SEZ6L: variants seen among roughly 807,000 people sequenced by gnomAD.
SEZ6L encodes seizure 6-like protein.
A neutral mutation model predicts 106.2 loss-of-function variants in SEZ6L; 37 were observed. The ratio of observed to expected loss-of-function variants is 0.35; its 90% CI spans 0.27 to 0.46. The LOEUF (loss-of-function observed/expected upper bound fraction) is 0.46. Among genes scored for constraint, SEZ6L ranks in the 20% least tolerant of loss-of-function variants. The pLI, the probability that SEZ6L is intolerant of heterozygous loss-of-function variation, is 1.00. For missense variants in SEZ6L, 1,172 were observed against 1,332.8 expected (o/e 0.88, Z 1.88); for synonymous variants, 541 against 570.4 (o/e 0.95, Z 0.73).
intron 9 of SEZ6L, among the ~76,000 whole-genome samples, chr22:26,314,753 C>A (rs980748184): frequency 1.3e-5 from 2 of 152,198 alleles, no homozygotes; most frequent in Non-Finnish European, 2.9e-5. Context: ...GGGCCAGATG[C>A]AAAAGTGACT....
intron 1 of SEZ6L, among the ~76,000 whole-genome samples, chr22:26,203,230 A>G (rs1941086707): frequency 1.3e-5 from 2 of 152,232 alleles, no homozygotes; most frequent in Admixed American, 1.3e-4. Flanking sequence ...TGTCAGTTGC[A>G]AGTTGCTCAC....
intron 13 of SEZ6L, among the ~76,000 whole-genome samples, chr22:26,368,793 C>T (rs2083905099): frequency 6.6e-6 from 1 of 151,652 alleles, no homozygotes; most frequent in Non-Finnish European, 1.5e-5. Flanking sequence ...GTCTTATGAC[C>T]ACTGTCTAAG....
chr22:26,203,004 A>G (rs1046613352), intron 1 of SEZ6L, among the ~76,000 whole-genome samples: 3 of 152,214 alleles, frequency 2.0e-5, no homozygotes, highest in African/African-American at 7.2e-5. Flanking sequence ...ACCACTGAGG[A>G]CAGATTATCA....
rs71311556 is a variant in SEZ6L, at chr22:26,278,970, AAGGG to A, written c.95-13420_95-13417del. Among the ~76,000 whole-genome samples the A allele has an allele frequency of 2.0e-3, 213 of 105,574 alleles. 2 individuals carry two copies. Among genetic ancestry groups the A allele is most frequent in the Non-Finnish European group, 3.4e-3 (161 of 47,464 alleles). The allele number at this position is 105,574 out of a possible 152,430, so 69.3% of individuals were successfully genotyped here. The stretch of plus-strand genomic sequence containing the variant: ...GAAAAAGAAAGAAAGAGGAGAGAGG[AAGGG>A]AGGGAGGGAGGGAGGAAGGAAGGAA... On this transcript the variant is annotated intron_variant, in intron 1 of 16. Transcript: ENST00000248933.
At position 26,235,722 on chromosome 22, in the gene SEZ6L, C is replaced by T. The variant is rs1215238414; in HGVS notation, c.95-56684C>T. On this transcript the variant is annotated intron_variant, in intron 1 of 16. Coordinates refer to ENST00000248933, the MANE Select transcript of SEZ6L (RefSeq NM_021115.5). The stretch of plus-strand genomic sequence containing the variant: ...GGCTTAGGGGCTTGAATTAACTTGC[C>T]CTTTTGGGGAAGTATAGCAGCTCAT... 3.9e-5 allele frequency among the ~76,000 whole-genome samples: 6 copies of T among 152,242 alleles called. No individual in the cohort carries two copies. In the South Asian group the frequency reaches 8.3e-4, roughly 21 times the overall value.
intron 1 of SEZ6L, among the ~76,000 whole-genome samples, chr22:26,254,403 G>A (rs1209381): frequency 1.3e-5 from 2 of 151,824 alleles, no homozygotes; most frequent in African/African-American, 2.4e-5. Context: ...CAGAAACGGA[G>A]AGCAGGAAGG....
chr22:26,305,915 T>C (rs1350830857), intron 5 of SEZ6L, 64 bp from the exon 6 acceptor site: 2 of 1,434,148 alleles, frequency 1.4e-6, no homozygotes, highest in Non-Finnish European at 1.9e-6. Context: ...TTTCTCTCTG[T>C]CTCTCTCCTC....
At chr22:26,188,259 C>G (rs955419313) in intron 1 of SEZ6L, among the ~76,000 whole-genome samples, 9 of 152,212 alleles carry the variant, frequency 5.9e-5, no homozygotes, top group African/African-American at 1.7e-4. Context: ...CAAACCATCC[C>G]TGAAATTCAG....
At chr22:26,266,786 C>G (rs1175761771) in intron 1 of SEZ6L, among the ~76,000 whole-genome samples, 1 of 151,640 alleles carries the variant, frequency 6.6e-6, no homozygotes, top group African/African-American at 2.4e-5. Flanking sequence ...GTTCCCAATA[C>G]CTATAAAGTG....
At chr22:26,296,754 TGGGGCCCAGGGGTCCCGTTGACCA>T in intron 3 of SEZ6L, 110 bp from the exon 4 acceptor site, 1 of 664,316 alleles carries the variant, frequency 1.5e-6, no homozygotes, top group South Asian at 4.0e-5. Flanking sequence ...GGGCTCGGCA[TGGGGCCCAGGGGTCCCGTTGACCA>T]GGGGCTAGCA....
Position 26,314,052 on chromosome 22 carries a change from C to G in SEZ6L, c.2015+150C>G, listed in dbSNP as rs1308945109. On this transcript the variant is annotated intron_variant, in intron 9 of 16. Coordinates refer to ENST00000248933, the MANE Select transcript of SEZ6L (RefSeq NM_021115.5). ...GAGAACAGGCATTCCCATAGTGAGACCAAGAACAGCATCACAAATACACAC... is the reference window on the plus strand; with the variant it reads ...GAGAACAGGCATTCCCATAGTGAGAGCAAGAACAGCATCACAAATACACAC... The G allele has an allele frequency of 9.6e-6, 6 of 623,570 alleles. No homozygotes were observed. In the East Asian group the frequency reaches 1.7e-4, roughly 18 times the overall value. The allele number at this position is 623,570 out of a possible 1,614,324, so 38.6% of individuals were successfully genotyped here.
chr22:26,180,787 G>A (rs1939339093), intron 1 of SEZ6L, among the ~76,000 whole-genome samples: 1 of 152,240 alleles, frequency 6.6e-6, no homozygotes, highest in South Asian at 2.1e-4. Flanking sequence ...GATGACAGTG[G>A]ATTTAAGAGC....
chr22:26,335,960 C>T (rs1469861722), intron 9 of SEZ6L, among the ~76,000 whole-genome samples: 2 of 152,120 alleles, frequency 1.3e-5, no homozygotes, highest in African/African-American at 4.8e-5. Flanking sequence ...GTGACCACTC[C>T]CCTCAAGGCA....
intron 1 of SEZ6L, among the ~76,000 whole-genome samples, chr22:26,206,038 A>G (rs1391329790): frequency 6.6e-6 from 1 of 152,162 alleles, no homozygotes; most frequent in Non-Finnish European, 1.5e-5. Flanking sequence ...CTCAGCATCC[A>G]ATAACTTGGC....
Position 26,369,418 on chromosome 22 carries a change from C to A in SEZ6L, c.2794+3852C>A, listed in dbSNP as rs554203694. Among the ~76,000 whole-genome samples, 46 of 141,308 alleles carry A rather than the reference C, an allele frequency of 3.3e-4. 1 individual carries two copies. Among genetic ancestry groups the A allele is most frequent in the Admixed American group, 3.2e-3 (42 of 13,028 alleles). The allele number at this position is 141,308 out of a possible 152,430, so 92.7% of individuals were successfully genotyped here. On this transcript the variant is annotated intron_variant, in intron 13 of 16. Transcript: ENST00000248933. ...GCAGTGGCTGGATCTCGGCTCACTG[C>A]AAGCTCCGCCTCCCGCATTCACGCC... is the stretch of plus-strand genomic sequence containing the variant.
chr22:26,308,470 C>T (rs1007015), intron 6 of SEZ6L, among the ~76,000 whole-genome samples: 4,127 of 150,494 alleles, frequency 0.027, 83 homozygotes, highest in Admixed American at 0.055. Context: ...TCTTTTTAGT[C>T]GAGGAGGGAC....
At chr22:26,261,491 C>T (rs980232886) in intron 1 of SEZ6L, among the ~76,000 whole-genome samples, 1 of 152,156 alleles carries the variant, frequency 6.6e-6, no homozygotes, top group Non-Finnish European at 1.5e-5. Flanking sequence ...TGTAGGGTGT[C>T]CTTTCCCCAC....
chr22:26,364,405 G>T (rs987979388), intron 12 of SEZ6L, among the ~76,000 whole-genome samples: 1 of 142,846 alleles, frequency 7.0e-6, no homozygotes, highest in Non-Finnish European at 1.5e-5. Flanking sequence ...GGGATGCATG[G>T]CAAGACCCTG....
intron 1 of SEZ6L, among the ~76,000 whole-genome samples, chr22:26,224,688 A>T (rs2078584969): frequency 6.6e-6 from 1 of 152,168 alleles, no homozygotes; most frequent in African/African-American, 2.4e-5. Context: ...CAGATACAGG[A>T]TATGTTTTAG....
Sources: allele counts gnomAD v4.1 joint callset (sites outside exome capture counted in the v4.1 genomes callset), GRCh38; gene constraint gnomAD v4.1.1; transcripts MANE v1.5; gene names NCBI Gene and HGNC (gene_info 2026-07-23, HGNC 2026-07-21).